Variants in DCC observed in about 807,000 individuals in gnomAD.
DCC encodes DCC netrin 1 receptor.
In DCC, 58 loss-of-function variants were observed where a neutral mutation model predicts 172.5. The observed-to-expected ratio is 0.34, with a 90% CI of 0.27 to 0.42. The LOEUF is 0.42. Ranked by LOEUF, DCC falls within the 10% of genes least tolerant of loss-of-function variation. The pLI is 1.00. For synonymous variants in DCC, 709 were observed against 644.5 expected (o/e 1.10, Z -1.52); for missense variants, 1,740 against 1,791.0 (o/e 0.97, Z 0.51).
intron 2 of DCC, among the ~76,000 whole-genome samples, chr18:52,776,691 A>G (rs181302799): frequency 5.7e-4 from 86 of 151,794 alleles, no homozygotes; most frequent in Middle Eastern, 3.4e-3. Flanking sequence ...AAGGATAAAT[A>G]AAAGTTTCAG....
At chr18:52,810,228 T>C (rs555359802) in intron 2 of DCC, among the ~76,000 whole-genome samples, 2 of 152,048 alleles carry the variant, frequency 1.3e-5, no homozygotes, top group African/African-American at 4.8e-5. Flanking sequence ...GAGGAAGAGA[T>C]GTATGGGATG....
chr18:52,605,662 T>A (rs936265002), intron 1 of DCC, among the ~76,000 whole-genome samples: 1 of 152,126 alleles, frequency 6.6e-6, no homozygotes, highest in Non-Finnish European at 1.5e-5. Flanking sequence ...CATTAGAAAA[T>A]GTACCCCACC....
chr18:53,088,616 G>A (rs1475202359), intron 7 of DCC, among the ~76,000 whole-genome samples: 1 of 152,118 alleles, frequency 6.6e-6, no homozygotes, highest in Admixed American at 6.5e-5. Flanking sequence ...AAAAATTAAT[G>A]AATCCAGTAG....
rs531691394 is a variant in DCC at position 53,270,451 on chromosome 18, G to A, written c.1912-35127G>A. Among the ~76,000 whole-genome samples the A allele has an allele frequency of 9.2e-4, 140 of 152,188 alleles. 3 individuals are homozygous for A. The Middle Eastern group carries it at 0.01, about 11-fold the overall frequency. On this transcript the variant is annotated intron_variant, in intron 12 of 28. Coordinates refer to ENST00000442544, the MANE Select transcript of DCC (RefSeq NM_005215.4). Reference sequence around the variant, plus strand: ...TCTTTCTAAAAACCTAATTATATATGATTAGTTGTAAGATTTTAATCCTAG... The same window carrying A: ...TCTTTCTAAAAACCTAATTATATATAATTAGTTGTAAGATTTTAATCCTAG...
chr18:52,647,098 C>T (rs2035033229), intron 1 of DCC, among the ~76,000 whole-genome samples: 1 of 152,178 alleles, frequency 6.6e-6, no homozygotes, highest in Admixed American at 6.5e-5. Flanking sequence ...TTTAACACCA[C>T]AGTGTTATTC....
At chr18:52,820,285 A>G (rs1219361809) in intron 2 of DCC, among the ~76,000 whole-genome samples, 5 of 152,174 alleles carry the variant, frequency 3.3e-5, no homozygotes, top group Non-Finnish European at 7.3e-5. Flanking sequence ...GAAACTGATG[A>G]TGATTTTCCT....
chr18:52,579,192 T>C (rs1321216106), intron 1 of DCC, among the ~76,000 whole-genome samples: 1 of 152,220 alleles, frequency 6.6e-6, no homozygotes, highest in African/African-American at 2.4e-5. Context: ...TTTTATAAGC[T>C]GAAATGAAAT....
chr18:53,313,536 G>T (rs930407121), intron 13 of DCC, among the ~76,000 whole-genome samples: 11 of 152,066 alleles, frequency 7.2e-5, no homozygotes, highest in Non-Finnish European at 1.5e-4. Context: ...TTGAGCCACC[G>T]CTCCCGGCCG....
At chr18:53,317,551 A>G (rs1599018647) in intron 13 of DCC, among the ~76,000 whole-genome samples, 1 of 152,138 alleles carries the variant, frequency 6.6e-6, no homozygotes, top group Admixed American at 6.6e-5. Context: ...TTCAGAAGGA[A>G]TGGTGCCAGC....
In DCC at chr18:53,229,851, AAAAG is replaced by A. The variant is rs149214376; in HGVS notation, c.1911+14259_1911+14262del. Among the ~76,000 whole-genome samples the A allele has an allele frequency of 9.5e-3, 1,452 of 152,268 alleles. 43 individuals are homozygous for A. The highest frequency in any genetic ancestry group is 0.059 in the Admixed American group (900 of 15,260). On this transcript the variant is annotated intron_variant, in intron 12 of 28. Transcript: ENST00000442544. ...CATGCAAAGGTAAAAAGAAGAAATC[AAAAG>A]AAAGGTCAAATTCTTTAGCATGAAC...
intron 1 of DCC, among the ~76,000 whole-genome samples, chr18:52,655,193 G>T (rs1416816591): frequency 6.6e-6 from 1 of 152,036 alleles, no homozygotes; most frequent in Non-Finnish European, 1.5e-5. Flanking sequence ...GTTCATTCAA[G>T]CACAGTTGTT....
intron 7 of DCC, among the ~76,000 whole-genome samples, chr18:53,151,967 G>C (rs1238450417): frequency 2.0e-5 from 3 of 151,930 alleles, no homozygotes; most frequent in African/African-American, 7.3e-5. Flanking sequence ...ACAATAAAAA[G>C]CTAGAGTTTA....
At chr18:53,167,208 C>G (rs1568342000) in intron 8 of DCC, among the ~76,000 whole-genome samples, 1 of 152,130 alleles carries the variant, frequency 6.6e-6, no homozygotes, top group African/African-American at 2.4e-5. Context: ...GGCACTTAGG[C>G]AAGATGATAT....
At chr18:52,920,536 A>T (rs947999283) in intron 3 of DCC, among the ~76,000 whole-genome samples, 1 of 152,214 alleles carries the variant, frequency 6.6e-6, no homozygotes, top group East Asian at 1.9e-4. Flanking sequence ...AAAAAAAATA[A>T]TGGCAATAGC....
At chr18:53,235,001 A>G (rs1448358818) in intron 12 of DCC, among the ~76,000 whole-genome samples, 3 of 152,202 alleles carry the variant, frequency 2.0e-5, no homozygotes, top group Non-Finnish European at 4.4e-5. Flanking sequence ...CCTCATGAGG[A>G]TGGGTGCCCT....
chr18:52,345,604 T>C (rs1983844161), intron 1 of DCC, among the ~76,000 whole-genome samples: 1 of 152,186 alleles, frequency 6.6e-6, no homozygotes, highest in African/African-American at 2.4e-5. Flanking sequence ...ATCAAAACTC[T>C]CATCTCTAAG....
At position 53,427,838 on chromosome 18, in the gene DCC, AAT is replaced by A. The variant is rs553552009; in HGVS notation, c.3164-7297_3164-7296del. ...TATAATATATTAATATATGATATAT[AAT>A]ATATATATTTCTTTTTATATATAAT... is the stretch of plus-strand genomic sequence containing the variant. On this transcript the variant is annotated intron_variant, in intron 21 of 28. Coordinates refer to ENST00000442544, the MANE Select transcript of DCC (RefSeq NM_005215.4). Among the ~76,000 whole-genome samples the A allele has an allele frequency of 1.7e-3, 161 of 95,408 alleles. 11 individuals are homozygous for A. The highest frequency in any genetic ancestry group is 4.3e-3 in the African/African-American group (134 of 31,424). 62.6% of individuals were successfully genotyped at this position (95,408 alleles called of 152,430 possible). A position where few individuals can be genotyped will look rare whatever the true frequency, so the allele number is the denominator to read the frequency against.
intron 25 of DCC, among the ~76,000 whole-genome samples, chr18:53,484,254 A>G (rs966572478): frequency 6.6e-6 from 1 of 151,930 alleles, no homozygotes; most frequent in Non-Finnish European, 1.5e-5. Context: ...CAAGTTATTT[A>G]CTTTCTTGTT....
chr18:53,025,871 G>T (rs1047360219), intron 5 of DCC, among the ~76,000 whole-genome samples: 6 of 149,552 alleles, frequency 4.0e-5, no homozygotes, highest in Non-Finnish European at 8.9e-5. Context: ...CTATAAAATA[G>T]GTCTTGGTGG....
Sources: allele counts gnomAD v4.1 joint callset (sites outside exome capture counted in the v4.1 genomes callset), GRCh38; gene constraint gnomAD v4.1.1; transcripts MANE v1.5; gene names NCBI Gene and HGNC (gene_info 2026-07-23, HGNC 2026-07-21).